NRXN3: variants seen among roughly 807,000 people sequenced by gnomAD.
The protein encoded by NRXN3 is neurexin III.
Under a neutral mutation model 137.6 loss-of-function variants are expected in NRXN3, and 32 were observed. That is an observed-to-expected ratio of 0.23 (90% CI 0.18 to 0.31). The LOEUF (loss-of-function observed/expected upper bound fraction) is 0.31. Among genes scored for constraint, NRXN3 ranks in the 10% least tolerant of loss-of-function variants. The probability of loss-of-function intolerance (pLI) is 1.00; values close to 1 mark genes in which losing one functional copy is unlikely to be tolerated. For missense variants in NRXN3, 1,574 were observed against 2,062.5 expected (o/e 0.76, Z 4.59); for synonymous variants, 798 against 784.5 (o/e 1.02, Z -0.29).
intron 1 of NRXN3, among the ~76,000 whole-genome samples, chr14:78,241,223 G>T (rs1324086535): frequency 3.3e-5 from 5 of 152,014 alleles, no homozygotes; most frequent in Non-Finnish European, 5.9e-5. Flanking sequence ...TCACTCTATA[G>T]CCATACATAC....
At chr14:78,881,909 A>G (rs2099130055) in intron 10 of NRXN3, among the ~76,000 whole-genome samples, 1 of 151,498 alleles carries the variant, frequency 6.6e-6, no homozygotes, top group Admixed American at 6.6e-5. Flanking sequence ...CCCATCACAA[A>G]CCTGGAGGCC....
chr14:79,497,695 C>G (rs1342729732), intron 16 of NRXN3, among the ~76,000 whole-genome samples: 2 of 152,080 alleles, frequency 1.3e-5, no homozygotes, highest in Non-Finnish European at 2.9e-5. Flanking sequence ...AAAATAGGAC[C>G]TGACCACATC....
intron 15 of NRXN3, among the ~76,000 whole-genome samples, chr14:79,413,789 C>T (rs187082382): frequency 1.9e-3 from 282 of 145,862 alleles, no homozygotes; most frequent in Non-Finnish European, 3.1e-3. Flanking sequence ...GTGATCATGC[C>T]AGAACTGGGA....
At chr14:79,124,796 A>G (rs775093433) in intron 15 of NRXN3, among the ~76,000 whole-genome samples, 17 of 152,206 alleles carry the variant, frequency 1.1e-4, no homozygotes, top group Non-Finnish European at 2.1e-4. Context: ...ATCAATGTAT[A>G]AGTTTATAAG....
At chr14:78,764,040 T>C (rs912652056) in intron 8 of NRXN3, among the ~76,000 whole-genome samples, 2 of 152,164 alleles carry the variant, frequency 1.3e-5, no homozygotes, top group African/African-American at 4.8e-5. Context: ...TAGGTCTGTC[T>C]AATGTTCCCC....
At chr14:79,391,458 T>C (rs772187716) in intron 15 of NRXN3, among the ~76,000 whole-genome samples, 3 of 152,218 alleles carry the variant, frequency 2.0e-5, no homozygotes, top group Non-Finnish European at 4.4e-5. Flanking sequence ...TTCATTCTGC[T>C]TCACTCATGG....
intron 4 of NRXN3, among the ~76,000 whole-genome samples, chr14:78,636,125 AT>A (rs2097564672): frequency 6.6e-6 from 1 of 152,116 alleles, no homozygotes; most frequent in African/African-American, 2.4e-5. Flanking sequence ...TTCTGAACTG[AT>A]TGTGTAATAG....
intron 15 of NRXN3, among the ~76,000 whole-genome samples, chr14:79,354,554 GC>G (rs968986753): frequency 1.2e-4 from 18 of 152,062 alleles, no homozygotes; most frequent in South Asian, 4.1e-4. Flanking sequence ...CATTTCACAT[GC>G]CTGTATGCAT....
intron 10 of NRXN3, among the ~76,000 whole-genome samples, chr14:78,846,261 G>A (rs538031143): frequency 6.6e-6 from 1 of 152,114 alleles, no homozygotes; most frequent in South Asian, 2.1e-4. Context: ...GAATTATCTT[G>A]CCTCTACCCA....
At chr14:78,199,527 C>A (rs750138818) in intron 1 of NRXN3, among the ~76,000 whole-genome samples, 1 of 152,128 alleles carries the variant, frequency 6.6e-6, no homozygotes, top group Non-Finnish European at 1.5e-5. Flanking sequence ...CTCCATATTA[C>A]AGATAAGGAA....
intron 15 of NRXN3, among the ~76,000 whole-genome samples, chr14:79,080,946 T>C (rs2046870950): frequency 6.6e-6 from 1 of 152,188 alleles, no homozygotes; most frequent in African/African-American, 2.4e-5. Context: ...GTTTATCTTC[T>C]TATCCCTCCC....
chr14:78,214,778 G>T (rs2365677), intron 1 of NRXN3, among the ~76,000 whole-genome samples: 4 of 151,996 alleles, frequency 2.6e-5, no homozygotes, highest in African/African-American at 9.7e-5. Context: ...TGACTTCCCC[G>T]TGTTTACATG....
Position 79,571,823 on chromosome 14 carries a change from A to T in NRXN3, c.3445-91955A>T, listed in dbSNP as rs76116492. ...AGAACTAAGAATACTTATAGGAGGT[A>T]ATTAATCCTTACCCGACATGTGGAA... On this transcript the variant is annotated intron_variant, in intron 16 of 20. Coordinates refer to ENST00000335750, the MANE Select transcript of NRXN3 (RefSeq NM_001330195.2). Among the ~76,000 whole-genome samples the T allele has an allele frequency of 5.7e-3, 861 of 152,236 alleles. 7 individuals carry two copies. Among genetic ancestry groups the T allele is most frequent in the African/African-American group, 0.02 (839 of 41,562 alleles).
At chr14:79,244,183 C>T (rs576317142) in intron 15 of NRXN3, among the ~76,000 whole-genome samples, 3 of 152,252 alleles carry the variant, frequency 2.0e-5, no homozygotes, top group South Asian at 4.1e-4. Flanking sequence ...AAGAGTCTCT[C>T]TCCAGTCCTC....
intron 15 of NRXN3, among the ~76,000 whole-genome samples, chr14:79,057,827 A>G (rs1344681319): frequency 6.6e-6 from 1 of 152,156 alleles, no homozygotes; most frequent in Admixed American, 6.5e-5. Context: ...TTGGCAGGAA[A>G]GGGAAGGAGA....
chr14:78,732,494 T>C (rs192908719), intron 8 of NRXN3, among the ~76,000 whole-genome samples: 1 of 152,328 alleles, frequency 6.6e-6, no homozygotes, highest in Admixed American at 6.5e-5. Context: ...ATAAATGCCA[T>C]GAGACCTTTT....
chr14:78,696,726 C>T (rs1415333283), intron 6 of NRXN3, among the ~76,000 whole-genome samples: 1 of 151,978 alleles, frequency 6.6e-6, no homozygotes, highest in Non-Finnish European at 1.5e-5. Context: ...TTAATAGTGC[C>T]TCCTTCTTTT....
chr14:79,463,430 A>G (rs1197027735), intron 15 of NRXN3, among the ~76,000 whole-genome samples: 1 of 152,080 alleles, frequency 6.6e-6, no homozygotes, highest in African/African-American at 2.4e-5. Context: ...TAGTTAGCCA[A>G]TTATGAAAAC....
chr14:79,380,184 T>C (rs2094428956), intron 15 of NRXN3, among the ~76,000 whole-genome samples: 1 of 149,186 alleles, frequency 6.7e-6, no homozygotes, highest in African/African-American at 2.4e-5. Flanking sequence ...TATATTTATT[T>C]ATTTATTTAT....
Sources: gnomAD v4.1 joint callset for allele counts (sites outside exome capture counted in the v4.1 genomes callset) on GRCh38, gnomAD v4.1.1 for gene constraint, MANE v1.5 for transcripts, NCBI Gene and HGNC (gene_info 2026-07-23, HGNC 2026-07-21) for gene names.